Variants in EIF2AK2 observed in about 807,000 individuals in gnomAD.
EIF2AK2 encodes interferon-induced, double-stranded RNA-activated protein kinase.
Under a neutral mutation model 70.5 loss-of-function variants are expected in EIF2AK2, and 40 were observed. The observed-to-expected ratio is 0.57, with a 90% CI of 0.44 to 0.74. The LOEUF is 0.74. Ranked by LOEUF, EIF2AK2 falls within the 30% of genes least tolerant of loss-of-function variation. EIF2AK2 has a pLI of 0.00. For synonymous variants in EIF2AK2, 198 were observed against 220.9 expected (o/e 0.90, Z 0.92); for missense variants, 555 against 644.3 (o/e 0.86, Z 1.50).
At chr2:37,122,796 G>C in intron 11 of EIF2AK2, 132 bp from the exon 12 acceptor site, 6 of 1,173,096 alleles carry the variant, frequency 5.1e-6, no homozygotes, top group Middle Eastern at 2.0e-4. Flanking sequence ...CATAGTTTTA[G>C]AATGGAAGCC....
At position 37,101,890 on chromosome 2, in the gene EIF2AK2, T is replaced by A. The variant is rs1673836089; in HGVS notation, c.*5383A>T. On this transcript the variant is annotated 3_prime_UTR_variant, in exon 17 of 17. Coordinates refer to ENST00000233057, the MANE Select transcript of EIF2AK2 (RefSeq NM_001135651.3). ...GATGCTGTGGTTTTGTTAAAAAGAT[T>A]TATCTGCTAGAGATACATTTTAAAG... The A allele has an allele frequency of 6.6e-6, 1 of 152,158 alleles. No individual in the cohort carries two copies. The highest frequency in any genetic ancestry group is 2.1e-4 in the South Asian group (1 of 4,822). The allele number at this position is 152,158 out of a possible 1,614,324, so 9.4% of individuals were successfully genotyped here. A position where few individuals can be genotyped will look rare whatever the true frequency, so the allele number is the denominator to read the frequency against.
At position 37,103,144 on chromosome 2, in the gene EIF2AK2, G is replaced by A. The variant is rs1452523931; in HGVS notation, c.*4129C>T. On this transcript the variant is annotated 3_prime_UTR_variant, in exon 17 of 17. Coordinates refer to ENST00000233057, the MANE Select transcript of EIF2AK2 (RefSeq NM_001135651.3). The stretch of plus-strand genomic sequence containing the variant: ...ATATACTCACAAATCAAAAGAAGTT[G>A]CTAAGAAATGCTATATTCATTTAAT... The A allele has an allele frequency of 6.6e-6, 1 of 151,536 alleles. No individual in the cohort carries two copies. Among genetic ancestry groups the A allele is most frequent in the African/African-American group, 2.4e-5 (1 of 41,250 alleles). 9.4% of individuals were successfully genotyped at this position (151,536 alleles called of 1,614,324 possible). A position where few individuals can be genotyped will look rare whatever the true frequency, so the allele number is the denominator to read the frequency against.
At position 37,154,902 on chromosome 2, in the gene EIF2AK2, T is replaced by G. The variant is rs541011561; in HGVS notation, c.-184+2006A>C. ...TCTGACAAGCTACTCCTTTTCTGTC[T>G]CCTTTCCTGGTTCATCTTCAACTTC... On this transcript the variant is annotated intron_variant, in intron 1 of 16. Transcript: ENST00000233057. Among the ~76,000 whole-genome samples the G allele has an allele frequency of 3.9e-5, 6 of 151,910 alleles. No homozygotes were observed. The East Asian group carries it at 1.2e-3, about 30-fold the overall frequency.
At chr2:37,152,009 T>C (rs1327221120) in intron 1 of EIF2AK2, among the ~76,000 whole-genome samples, 4 of 152,192 alleles carry the variant, frequency 2.6e-5, no homozygotes. Context: ...GAGCTTGCAG[T>C]GAGCTGAGAT....
chr2:37,153,055 T>C (rs909966535), intron 1 of EIF2AK2, among the ~76,000 whole-genome samples: 1 of 152,230 alleles, frequency 6.6e-6, no homozygotes, highest in Non-Finnish European at 1.5e-5. Flanking sequence ...CATTCCTGGA[T>C]TGCTGTGAGA....
chr2:37,108,344 C>T (rs540226784), intron 15 of EIF2AK2, among the ~76,000 whole-genome samples: 6 of 152,168 alleles, frequency 3.9e-5, no homozygotes, highest in South Asian at 2.1e-4. Context: ...ACACTCTGTA[C>T]ATTCCCGCCT....
chr2:37,141,827 C>T, intron 4 of EIF2AK2, 126 bp from the exon 5 acceptor site: 1 of 1,041,414 alleles, frequency 9.6e-7, no homozygotes. Context: ...ATATATTTTC[C>T]TATTATATTA....
In EIF2AK2 at chr2:37,100,055, G is replaced by A. The variant is rs1369305574; in HGVS notation, c.*7218C>T. The A allele has an allele frequency of 2.0e-5, 3 of 152,106 alleles. No homozygotes were observed. Among genetic ancestry groups the A allele is most frequent in the African/African-American group, 7.2e-5 (3 of 41,406 alleles). 9.4% of individuals were successfully genotyped at this position (152,106 alleles called of 1,614,324 possible). A position where few individuals can be genotyped will look rare whatever the true frequency, so the allele number is the denominator to read the frequency against. On this transcript the variant is annotated 3_prime_UTR_variant, in exon 17 of 17. Transcript: ENST00000233057. ...AGAAAAATGATAGTTGCACAACTCT[G>A]AATATAGTAAACACTACTGAATTGT...
chr2:37,120,800 T>C (rs544602891), intron 12 of EIF2AK2, among the ~76,000 whole-genome samples: 1 of 148,272 alleles, frequency 6.7e-6, no homozygotes, highest in South Asian at 2.2e-4. Context: ...CCATCTCTAC[T>C]AAAAACACAA....
chr2:37,126,525 G>C, intron 10 of EIF2AK2, 114 bp from the exon 11 acceptor site: 1 of 1,426,232 alleles, frequency 7.0e-7, no homozygotes, highest in Non-Finnish European at 9.3e-7. Context: ...AAACAAATTT[G>C]ATTCTCTCCT....
Position 37,142,297 on chromosome 2 carries a change from A to AT in EIF2AK2, c.241-597dup, listed in dbSNP as rs553759993. ...AGGCACACACCACCATGCCTGGGTAATTTTTTTGTATTTTTTGTAGAGACA... is the reference window on the plus strand; with the variant it reads ...AGGCACACACCACCATGCCTGGGTAATTTTTTTTGTATTTTTTGTAGAGACA... On this transcript the variant is annotated intron_variant, in intron 4 of 16. Transcript: ENST00000233057. Among the ~76,000 whole-genome samples, 720 of 151,882 alleles carry AT rather than the reference A, an allele frequency of 4.7e-3. 7 individuals carry two copies. Among genetic ancestry groups the AT allele is most frequent in the Middle Eastern group, 0.031 (9 of 294 alleles).
chr2:37,126,552 C>G, intron 10 of EIF2AK2, 141 bp from the exon 11 acceptor site: 2 of 1,303,370 alleles, frequency 1.5e-6, no homozygotes, highest in East Asian at 2.6e-5. Flanking sequence ...TAAGAAAGAT[C>G]CACTTGGCAG....
chr2:37,124,113 A>G (rs1041248956), intron 11 of EIF2AK2, among the ~76,000 whole-genome samples: 1 of 150,664 alleles, frequency 6.6e-6, no homozygotes, highest in Non-Finnish European at 1.5e-5. Context: ...GACCACAGGC[A>G]CACACCACCA....
intron 1 of EIF2AK2, among the ~76,000 whole-genome samples, chr2:37,155,857 C>G (rs1284589845): frequency 6.6e-6 from 1 of 151,136 alleles, no homozygotes; most frequent in East Asian, 1.9e-4. Flanking sequence ...AGGAAAATCG[C>G]TTGAACCTGA....
At chr2:37,147,365 TGCA>T (rs2148712388) in intron 3 of EIF2AK2, among the ~76,000 whole-genome samples, 1 of 152,100 alleles carries the variant, frequency 6.6e-6, no homozygotes, top group African/African-American at 2.4e-5. Context: ...GTGCACAACG[TGCA>T]GGTTACATAT....
At chr2:37,154,393 C>T (rs1675850609) in intron 1 of EIF2AK2, among the ~76,000 whole-genome samples, 1 of 152,070 alleles carries the variant, frequency 6.6e-6, no homozygotes, top group Non-Finnish European at 1.5e-5. Flanking sequence ...TCTCCACAAG[C>T]CACTGAAATT....
chr2:37,149,189 C>T (rs1209338305), intron 1 of EIF2AK2, 166 bp from the exon 2 acceptor site: 8 of 1,097,634 alleles, frequency 7.3e-6, no homozygotes, highest in Admixed American at 5.1e-5. Flanking sequence ...CTATGCTTGT[C>T]GTGCCTGTGG....
At chr2:37,129,565 G>A (rs574984388) in intron 10 of EIF2AK2, among the ~76,000 whole-genome samples, 7 of 152,132 alleles carry the variant, frequency 4.6e-5, no homozygotes, top group East Asian at 3.8e-4. Flanking sequence ...TAATTGGGAC[G>A]GTATCTGGTA....
intron 1 of EIF2AK2, among the ~76,000 whole-genome samples, chr2:37,149,758 A>T (rs1675679002): frequency 6.6e-6 from 1 of 152,210 alleles, no homozygotes; most frequent in South Asian, 2.1e-4. Flanking sequence ...CGATGTAAAT[A>T]ACAGATATGC....
Sources: allele counts gnomAD v4.1 joint callset (sites outside exome capture counted in the v4.1 genomes callset), GRCh38; gene constraint gnomAD v4.1.1; transcripts MANE v1.5; gene names NCBI Gene and HGNC (gene_info 2026-07-23, HGNC 2026-07-21).